HEPACAM: variants seen among roughly 807,000 people sequenced by gnomAD.
HEPACAM encodes the protein hepatic and glial cell adhesion molecule.
HEPACAM carries 18 observed loss-of-function variants against 38.3 expected under a neutral mutation model. That is an observed-to-expected ratio of 0.47 (90% CI 0.33 to 0.70). The LOEUF (loss-of-function observed/expected upper bound fraction) is 0.70, where lower values mean the gene tolerates loss of function less well. HEPACAM is among the 30% of genes least tolerant of loss of function. The pLI is 0.03. For synonymous variants in HEPACAM, 216 were observed against 243.1 expected (o/e 0.89, Z 1.04); for missense variants, 466 against 563.0 (o/e 0.83, Z 1.74).
At chr11:124,935,342 CT>C (rs1471484826) in intron 1 of HEPACAM, among the ~76,000 whole-genome samples, 4 of 151,954 alleles carry the variant, frequency 2.6e-5, no homozygotes, top group African/African-American at 9.7e-5. Flanking sequence ...TGTGTATGTA[CT>C]CATAAATAGG....
At chr11:124,934,900 C>T (rs879520419) in intron 1 of HEPACAM, among the ~76,000 whole-genome samples, 8 of 152,146 alleles carry the variant, frequency 5.3e-5, no homozygotes, top group Admixed American at 2.0e-4. Context: ...CCCCAGATTA[C>T]GAGTCTGGTT....
At chr11:124,922,880 G>C (rs767406057) in intron 4 of HEPACAM, 62 bp from the exon 5 acceptor site, 7 of 1,540,982 alleles carry the variant, frequency 4.5e-6, no homozygotes, top group Non-Finnish European at 6.3e-6. Context: ...AGATCCAGTG[G>C]GGACACAGGG....
rs927532557 is a variant in HEPACAM at position 124,920,111 on chromosome 11, C to T, written c.*1027G>A. ...GAGGCCAGGGGTTGGATCATGTTCC[C>T]CCCAAATGCTGGGAAGCAATAAGCC... On this transcript the variant is annotated 3_prime_UTR_variant, in exon 7 of 7. Coordinates refer to ENST00000298251, the MANE Select transcript of HEPACAM (RefSeq NM_152722.5). 1.1e-5 allele frequency: 15 copies of T among 1,389,706 alleles called. No homozygotes were observed. In the African/African-American group the frequency reaches 2.0e-4, roughly 19 times the overall value. The allele number at this position is 1,389,706 out of a possible 1,614,324, so 86.1% of individuals were successfully genotyped here.
chr11:124,921,578 A>G lies in HEPACAM; in HGVS notation c.949-138T>C. ...GCCCACCTCCTGGAAGGCTGCAGAC[A>G]GGTCTGGTTTTCCTGGCGATATTCC... On this transcript the variant is annotated intron_variant, in intron 6 of 6. Coordinates refer to ENST00000298251, the MANE Select transcript of HEPACAM (RefSeq NM_152722.5). The surrounding 1 kb of genome is among the most constrained non-coding windows in gnomAD (Gnocchi z 4.6). 4.2e-6 allele frequency: 2 copies of G among 478,340 alleles called. No homozygotes were observed. The highest frequency in any genetic ancestry group is 3.3e-6 in the Non-Finnish European group (1 of 300,896). The allele number at this position is 478,340 out of a possible 1,614,324, so 29.6% of individuals were successfully genotyped here.
chr11:124,921,281 C>G lies in HEPACAM; in HGVS notation c.1108G>C (p.Ala370Pro). The G allele has an allele frequency of 7.4e-7, 1 of 1,346,444 alleles. No homozygotes were observed. Among genetic ancestry groups the G allele is most frequent in the East Asian group, 3.1e-5 (1 of 32,228 alleles). 83.4% of individuals were successfully genotyped at this position (1,346,444 alleles called of 1,614,324 possible). ...GGCGACGAGTGTGTCCGGCCGGTGGCTGGGGAGCGCGCTGGGGAGCGCGGG... is the reference window on the plus strand; with the variant it reads ...GGCGACGAGTGTGTCCGGCCGGTGGGTGGGGAGCGCGCTGGGGAGCGCGGG... ...RYPRSPARSPATGRTHSSPPR... is the reference protein window; with the variant it reads ...RYPRSPARSPPTGRTHSSPPR... The change falls in exon 7 of 7, where the codon GCC (alanine) becomes CCC (proline). Residue 370 changes from alanine (A) to proline (P), a missense_variant. Coordinates refer to ENST00000298251, the MANE Select transcript of HEPACAM (RefSeq NM_152722.5). This position sits in a 1 kb window ranked among gnomAD's most constrained non-coding sequence, Gnocchi z 4.6.
At chr11:124,925,568 G>A (rs1565339579) in intron 1 of HEPACAM, among the ~76,000 whole-genome samples, 1 of 152,176 alleles carries the variant, frequency 6.6e-6, no homozygotes, top group East Asian at 1.9e-4. Context: ...ATGGAACACA[G>A]ATTCACAAAG....
At position 124,924,804 on chromosome 11, in the gene HEPACAM, C is replaced by G; in HGVS notation, c.351G>C (p.Glu117Asp). 6.2e-7 allele frequency: 1 copy of G among 1,614,138 alleles called. No individual in the cohort carries two copies. Among genetic ancestry groups the G allele is most frequent in the Non-Finnish European group, 8.5e-7 (1 of 1,180,014 alleles). The change falls in exon 2 of 7, where the codon GAG (glutamate) becomes GAC (aspartate). Residue 117 changes from glutamate (E) to aspartate (D), a missense_variant. Glu to Asp is a conservative substitution (Grantham distance 45). Coordinates refer to ENST00000298251, the MANE Select transcript of HEPACAM (RefSeq NM_152722.5). The surrounding 1 kb of genome is among the most constrained non-coding windows in gnomAD (Gnocchi z 4.4). ...TGGAGATCTCGACCTCATAGGTGCC[C>G]TCATCGGCCAGCTGCAGGTCGCTGA... ...LLLSDLQLAD[E>D]GTYEVEISIT...
intron 1 of HEPACAM, among the ~76,000 whole-genome samples, chr11:124,926,428 G>T (rs1037999585): frequency 2.0e-5 from 3 of 152,124 alleles, no homozygotes; most frequent in African/African-American, 7.2e-5. Context: ...TCATTGGTTT[G>T]TTCCAGCCTT....
chr11:124,919,617 C>A lies in HEPACAM; in HGVS notation c.*1521G>T. Reference sequence around the variant, plus strand: ...TAGGGGAGCTGCGAAGGCACACCTGCTCAAATGAGCCTGGGGAAGTGCCGA... The same window carrying A: ...TAGGGGAGCTGCGAAGGCACACCTGATCAAATGAGCCTGGGGAAGTGCCGA... On this transcript the variant is annotated 3_prime_UTR_variant, in exon 7 of 7. Transcript: ENST00000298251. 9.8e-7 allele frequency: 1 copy of A among 1,022,830 alleles called. No homozygotes were observed. Among genetic ancestry groups the A allele is most frequent in the Non-Finnish European group, 1.4e-6 (1 of 707,368 alleles). The allele number at this position is 1,022,830 out of a possible 1,614,324, so 63.4% of individuals were successfully genotyped here.
In HEPACAM at chr11:124,924,592, T is replaced by C. The variant is rs551819172; in HGVS notation, c.427+136A>G. ...TGTGCTGTGCCTGTCTGCCAACTTCTAATGTCCACTTGCCTCATTCTCAGC... is the reference window on the plus strand; with the variant it reads ...TGTGCTGTGCCTGTCTGCCAACTTCCAATGTCCACTTGCCTCATTCTCAGC... On this transcript the variant is annotated intron_variant, in intron 2 of 6. Coordinates refer to ENST00000298251, the MANE Select transcript of HEPACAM (RefSeq NM_152722.5). This position sits in a 1 kb window ranked among gnomAD's most constrained non-coding sequence, Gnocchi z 4.4. 22 of 808,548 alleles carry C rather than the reference T, an allele frequency of 2.7e-5. No individual in the cohort carries two copies. In the African/African-American group the frequency reaches 3.2e-4, roughly 12 times the overall value. 50.1% of individuals were successfully genotyped at this position (808,548 alleles called of 1,614,324 possible).
chr11:124,921,157 G>T lies in HEPACAM; in HGVS notation c.1232C>A (p.Pro411Gln), dbSNP rs1221539655. Residue 411 changes from proline (P) to glutamine (Q), a missense_variant, in exon 7 of 7, where the codon CCG becomes CAG. Transcript: ENST00000298251. This position sits in a 1 kb window ranked among gnomAD's most constrained non-coding sequence, Gnocchi z 4.6. ...GGCGGCTCAGGCGCTGATCTCCACCGGGCCGGCCTCGTCTTGCTCGCGGAT... is the reference window on the plus strand; with the variant it reads ...GGCGGCTCAGGCGCTGATCTCCACCTGGCCGGCCTCGTCTTGCTCGCGGAT... ...HIIREQDEAG[P>Q]VEISA The T allele has an allele frequency of 2.6e-6, 4 of 1,527,874 alleles. No individual in the cohort carries two copies. In the East Asian group the frequency reaches 7.5e-5, roughly 29 times the overall value. The allele number at this position is 1,527,874 out of a possible 1,614,324, so 94.6% of individuals were successfully genotyped here.
At chr11:124,930,631 A>G (rs140547976) in intron 1 of HEPACAM, among the ~76,000 whole-genome samples, 142 of 152,328 alleles carry the variant, frequency 9.3e-4, no homozygotes, top group African/African-American at 3.3e-3. Flanking sequence ...TACAATGCCA[A>G]TCAAAATCCC....
At chr11:124,933,368 G>A (rs1021237118) in intron 1 of HEPACAM, among the ~76,000 whole-genome samples, 2 of 151,480 alleles carry the variant, frequency 1.3e-5, no homozygotes, top group African/African-American at 2.4e-5. Flanking sequence ...ATGGGGTTTC[G>A]CCATGTTCCT....
At position 124,919,860 on chromosome 11, in the gene HEPACAM, G is replaced by C. The variant is rs201178398; in HGVS notation, c.*1278C>G. 5.0e-6 allele frequency: 8 copies of C among 1,613,950 alleles called. No homozygotes were observed. The highest frequency in any genetic ancestry group is 5.9e-6 in the Non-Finnish European group (7 of 1,179,976). ...TTGGAGGCATTAAGGAGGAGGGAAT[G>C]GAATACACAGAGGGCCTCCTTCTCT... On this transcript the variant is annotated 3_prime_UTR_variant, in exon 7 of 7. Transcript: ENST00000298251.
intron 5 of HEPACAM, 77 bp downstream of exon 5, chr11:124,922,668 G>A (rs775753459): frequency 1.9e-6 from 3 of 1,614,092 alleles, no homozygotes; most frequent in East Asian, 2.2e-5. Context: ...TTTCCTTGTC[G>A]CCCAGTTCTG....
At chr11:124,923,457 G>T (rs1032923051) in intron 3 of HEPACAM, 24 bp from the exon 4 acceptor site, 2 of 1,520,946 alleles carry the variant, frequency 1.3e-6, no homozygotes, top group African/African-American at 1.4e-5. Flanking sequence ...GAAGCAGAGA[G>T]GCAGGAGGGA....
Position 124,923,955 on chromosome 11 carries a change from G to C in HEPACAM, c.483C>G (p.Ser161Arg). ...GTGAGCAGTTCAAGGTGAAGGCCTCGCTGAGCTCCAGCACAGTGGTTGAAG... is the reference window on the plus strand; with the variant it reads ...GTGAGCAGTTCAAGGTGAAGGCCTCCCTGAGCTCCAGCACAGTGGTTGAAG... ...LVASTTVLEL[S>R]EAFTLNCSHE... Residue 161 changes from serine to arginine, a missense_variant, in exon 3 of 7, where the codon AGC becomes AGG. Physicochemically the swap from Ser to Arg is moderately radical, Grantham distance 110. Coordinates refer to ENST00000298251, the MANE Select transcript of HEPACAM (RefSeq NM_152722.5). 1 of 1,611,994 alleles carries C rather than the reference G, an allele frequency of 6.2e-7. No homozygotes were observed. Among genetic ancestry groups the C allele is most frequent in the African/African-American group, 1.3e-5 (1 of 75,042 alleles).
In HEPACAM at chr11:124,923,969, C is replaced by T. The variant is rs748682631; in HGVS notation, c.469G>A (p.Val157Met). The change falls in exon 3 of 7, where the codon GTG (valine) becomes ATG (methionine). Residue 157 changes from valine to methionine, a missense_variant. Transcript: ENST00000298251. ...RPQVLVASTT[V>M]LELSEAFTLN... ...GTGAAGGCCTCGCTGAGCTCCAGCA[C>T]AGTGGTTGAAGCCACCAACACCTGT... 5.0e-6 allele frequency: 8 copies of T among 1,611,522 alleles called. No homozygotes were observed. The East Asian group carries it at 1.6e-4, about 31-fold the overall frequency.
chr11:124,931,264 G>A (rs1947278054), intron 1 of HEPACAM, among the ~76,000 whole-genome samples: 1 of 151,910 alleles, frequency 6.6e-6, no homozygotes, highest in Non-Finnish European at 1.5e-5. Context: ...CTGGACTGCA[G>A]TGGTGTGATC....
Sources: allele counts gnomAD v4.1 joint callset (sites outside exome capture counted in the v4.1 genomes callset), GRCh38; gene constraint gnomAD v4.1.1; non-coding constraint Gnocchi (gnomAD v3.1); transcripts MANE v1.5; gene names NCBI Gene and HGNC (gene_info 2026-07-23, HGNC 2026-07-21).